Variants in ZNF563 observed in about 807,000 individuals in gnomAD.
The protein encoded by ZNF563 is zinc finger protein 563.
ZNF563 carries 39 observed loss-of-function variants against 48.5 expected under a neutral mutation model. The observed-to-expected ratio is 0.80, with a 90% CI of 0.62 to 1.05. The LOEUF is 1.05. ZNF563 is among the 50% of genes least tolerant of loss of function. The pLI is 0.00. For synonymous variants in ZNF563, 168 were observed against 187.9 expected (o/e 0.89, Z 0.87); for missense variants, 538 against 597.0 (o/e 0.90, Z 1.03).
rs1599565168 is a variant in ZNF563 at position 12,318,478 on chromosome 19, A to G, written c.*116T>C. ...GAGATATTTCATGATTTTGAAAGGAATAAAAATTATGAAAGGCTTTCCCAC... is the reference window on the plus strand; with the variant it reads ...GAGATATTTCATGATTTTGAAAGGAGTAAAAATTATGAAAGGCTTTCCCAC... On this transcript the variant is annotated 3_prime_UTR_variant, in exon 4 of 4. Coordinates refer to ENST00000293725, the MANE Select transcript of ZNF563 (RefSeq NM_145276.3). 5 of 1,158,354 alleles carry G rather than the reference A, an allele frequency of 4.3e-6. No homozygotes were observed. In the South Asian group the frequency reaches 7.9e-5, roughly 18 times the overall value. The allele number at this position is 1,158,354 out of a possible 1,614,324, so 71.8% of individuals were successfully genotyped here.
At chr19:12,346,472 C>T in the ZNF563 span, 1 of 152,024 alleles carries the variant, frequency 6.6e-6, no homozygotes, top group Admixed American at 6.5e-5. Flanking sequence ...AAATAGAAAC[C>T]CTTATGCATT....
Position 12,328,097 on chromosome 19 carries a change from C to T in ZNF563, c.3+5383G>A, listed in dbSNP as rs1457143068. 2.0e-5 allele frequency among the ~76,000 whole-genome samples: 3 copies of T among 152,314 alleles called. No homozygotes were observed. In the East Asian group the frequency reaches 5.8e-4, roughly 29 times the overall value. On this transcript the variant is annotated intron_variant, in intron 1 of 3. Transcript: ENST00000293725. ...TGTTTACAGAATCCTTCATTCAACA[C>T]TAGCAGGGTATATATTCTTCTCAAG...
intron 1 of ZNF563, among the ~76,000 whole-genome samples, chr19:12,328,790 A>T (rs924370030): frequency 6.6e-6 from 1 of 151,344 alleles, no homozygotes; most frequent in Admixed American, 6.6e-5. Flanking sequence ...AATAAATAAT[A>T]AATAAATAAA....
intron 1 of ZNF563, among the ~76,000 whole-genome samples, chr19:12,324,443 T>C (rs1968719112): frequency 6.6e-6 from 1 of 151,834 alleles, no homozygotes; most frequent in Non-Finnish European, 1.5e-5. Flanking sequence ...ACTGGCCGGG[T>C]GCGGTGGCTC....
In ZNF563 at chr19:12,318,251, C is replaced by G. The variant is rs79114846; in HGVS notation, c.*343G>C. 1 of 269,024 alleles carries G rather than the reference C, an allele frequency of 3.7e-6. No homozygotes were observed. The highest frequency in any genetic ancestry group is 5.0e-5 in the Admixed American group (1 of 20,176). 16.7% of individuals were successfully genotyped at this position (269,024 alleles called of 1,614,324 possible). Reference sequence around the variant, plus strand: ...TCCTGAGGTCAAGCAATTTGCCCACCCTAAGTGCTGGGATTACAGGCGTGA... The same window carrying G: ...TCCTGAGGTCAAGCAATTTGCCCACGCTAAGTGCTGGGATTACAGGCGTGA... On this transcript the variant is annotated 3_prime_UTR_variant, in exon 4 of 4. Coordinates refer to ENST00000293725, the MANE Select transcript of ZNF563 (RefSeq NM_145276.3).
chr19:12,322,219 C>T (rs1224466120), intron 2 of ZNF563, among the ~76,000 whole-genome samples: 2 of 151,994 alleles, frequency 1.3e-5, no homozygotes, highest in African/African-American at 4.8e-5. Context: ...CCACGCCTGG[C>T]TAATTTTTGT....
chr19:12,331,372 A>T (rs1968912880), intron 1 of ZNF563, among the ~76,000 whole-genome samples: 1 of 151,552 alleles, frequency 6.6e-6, no homozygotes, highest in Non-Finnish European at 1.5e-5. Flanking sequence ...CCTACCCCCA[A>T]CCACCAGATA....
chr19:12,337,201 T>G (rs1194582578), upstream of ZNF563, among the ~76,000 whole-genome samples: 1 of 150,848 alleles, frequency 6.6e-6, no homozygotes, highest in Non-Finnish European at 1.5e-5. Flanking sequence ...AACAGTTAGC[T>G]TATTTCTCTC....
upstream of ZNF563, among the ~76,000 whole-genome samples, chr19:12,337,163 GAAT>G (rs1333156496): frequency 3.9e-5 from 6 of 152,070 alleles, no homozygotes; most frequent in Admixed American, 2.0e-4. Flanking sequence ...AAGGATGTGT[GAAT>G]AATATTAATG....
the ZNF563 span, among the ~76,000 whole-genome samples, chr19:12,343,342 T>C: frequency 2.6e-5 from 4 of 152,144 alleles, no homozygotes; most frequent in African/African-American, 4.8e-5. Context: ...ATTCCTATAG[T>C]CCCAGCTGCT....
chr19:12,344,659 G>A, the ZNF563 span, among the ~76,000 whole-genome samples: 1 of 152,216 alleles, frequency 6.6e-6, no homozygotes, highest in Non-Finnish European at 1.5e-5. Flanking sequence ...ATATCAAGAA[G>A]ACAGGATGCC....
rs192796336 is a variant in ZNF563 at position 12,319,272 on chromosome 19, T to G, written c.753A>C (p.Lys251Asn). 5 of 1,614,064 alleles carry G rather than the reference T, an allele frequency of 3.1e-6. No individual in the cohort carries two copies. In the Admixed American group the frequency reaches 8.3e-5, roughly 27 times the overall value. The part of the protein sequence containing the change: ...RRHERMHTGE[K>N]PYECKQCSKA... ...TAGAACACTGCTTACATTCATACGG[T>G]TTCTCCCCAGTGTGCATTCTCTCAT... Residue 251 changes from lysine (K) to asparagine (N), a missense_variant, in exon 4 of 4, where the codon AAA becomes AAC. Physicochemically the swap from Lys to Asn is moderately conservative, Grantham distance 94. Coordinates refer to ENST00000293725, the MANE Select transcript of ZNF563 (RefSeq NM_145276.3).
chr19:12,344,339 G>A, the ZNF563 span, among the ~76,000 whole-genome samples: 1 of 149,978 alleles, frequency 6.7e-6, no homozygotes, highest in African/African-American at 2.5e-5. Flanking sequence ...GTCCAGCCTG[G>A]GCAACAGAGT....
At chr19:12,334,273 A>C (rs1968990686), upstream of ZNF563, among the ~76,000 whole-genome samples, 1 of 151,974 alleles carries the variant, frequency 6.6e-6, no homozygotes. Flanking sequence ...GAATGAATGA[A>C]TCAAAACAAA....
chr19:12,319,042 A>T lies in ZNF563; in HGVS notation c.983T>A (p.Met328Lys). The T allele has an allele frequency of 6.2e-7, 1 of 1,614,062 alleles. No individual in the cohort carries two copies. Among genetic ancestry groups the T allele is most frequent in the Non-Finnish European group, 8.5e-7 (1 of 1,179,986 alleles). ...FHHLGSFQIHMKRHTGDRPHK... is the reference protein window; with the variant it reads ...FHHLGSFQIHKKRHTGDRPHK... ...AGGTCGATCTCCAGTGTGCCTTTTC[A>T]TGTGTATCTGAAAGCTTCCAAGATG... Residue 328 changes from methionine to lysine, a missense_variant, in exon 4 of 4, where the codon ATG (methionine) becomes AAG (lysine). By Grantham distance (95) the Met-to-Lys change is moderately conservative. Coordinates refer to ENST00000293725, the MANE Select transcript of ZNF563 (RefSeq NM_145276.3).
the ZNF563 span, chr19:12,346,261 T>C: frequency 5.9e-5 from 9 of 152,100 alleles, 1 homozygote. Flanking sequence ...AAAACACAAA[T>C]GACTCAATTT....
chr19:12,323,407 T>C (rs567406501), intron 1 of ZNF563, among the ~76,000 whole-genome samples: 2 of 152,310 alleles, frequency 1.3e-5, no homozygotes, highest in South Asian at 2.1e-4. Flanking sequence ...AGCTCATGAA[T>C]AGATTAATGT....
At chr19:12,331,069 T>A (rs1048618664) in intron 1 of ZNF563, among the ~76,000 whole-genome samples, 6 of 152,184 alleles carry the variant, frequency 3.9e-5, no homozygotes, top group Admixed American at 3.9e-4. Flanking sequence ...AAACAAGAAT[T>A]TTTTAAAGGC....
At chr19:12,338,613 G>T (rs1032029564), upstream of ZNF563, among the ~76,000 whole-genome samples, 3 of 152,084 alleles carry the variant, frequency 2.0e-5, no homozygotes, top group Non-Finnish European at 4.4e-5. Flanking sequence ...CAGCACTTTG[G>T]GAGGCCGAAG....
Sources: gnomAD v4.1 joint callset for allele counts (sites outside exome capture counted in the v4.1 genomes callset) on GRCh38, gnomAD v4.1.1 for gene constraint, MANE v1.5 for transcripts, NCBI Gene and HGNC (gene_info 2026-07-23, HGNC 2026-07-21) for gene names.